The following GALNT13 variants were observed in gnomAD, a reference collection of about 807,000 sequenced individuals.
GALNT13 encodes the protein UDP-GalNAc:polypeptide N-acetylgalactosaminyltransferase 13.
GALNT13 carries 28 observed loss-of-function variants against 64.2 expected under a neutral mutation model. That is an observed-to-expected ratio of 0.44 (90% CI 0.32 to 0.60). The LOEUF (loss-of-function observed/expected upper bound fraction) is 0.60. GALNT13 is among the 20% of genes least tolerant of loss of function. The pLI is 0.05. For synonymous variants in GALNT13, 214 were observed against 224.6 expected (o/e 0.95, Z 0.42); for missense variants, 577 against 669.8 (o/e 0.86, Z 1.53).
intron 5 of GALNT13, 58 bp downstream of exon 5, chr2:154,242,254 T>G (rs1467256588): frequency 6.7e-6 from 10 of 1,498,852 alleles, no homozygotes; most frequent in Non-Finnish European, 9.1e-6. Context: ...GTTTTGTTTT[T>G]TTGTATTAGA....
At chr2:153,333,945 C>T in the GALNT13 span, among the ~76,000 whole-genome samples, 36 of 152,122 alleles carry the variant, frequency 2.4e-4, no homozygotes, top group African/African-American at 8.4e-4. Flanking sequence ...ACAGCTTTTC[C>T]TTGAGTCTTT....
the GALNT13 span, among the ~76,000 whole-genome samples, chr2:153,393,729 C>T: frequency 6.6e-6 from 1 of 151,874 alleles, no homozygotes; most frequent in African/African-American, 2.4e-5. Context: ...GTGGGTGGGC[C>T]TTATCTAATC....
At chr2:153,139,460 G>A in the GALNT13 span, among the ~76,000 whole-genome samples, 1 of 151,960 alleles carries the variant, frequency 6.6e-6, no homozygotes, top group Non-Finnish European at 1.5e-5. Context: ...AGTGCACAGA[G>A]CTCTGGAAAG....
intron 2 of GALNT13, among the ~76,000 whole-genome samples, chr2:153,910,251 G>A (rs533482972): frequency 9.2e-5 from 14 of 151,792 alleles, no homozygotes; most frequent in Non-Finnish European, 2.1e-4. Context: ...AGTCTCTGAT[G>A]GTTATATATG....
At chr2:153,701,062 G>A in the GALNT13 span, among the ~76,000 whole-genome samples, 1 of 152,048 alleles carries the variant, frequency 6.6e-6, no homozygotes. Flanking sequence ...AATTAACAAA[G>A]CTAAAGGCAT....
intron 3 of GALNT13, among the ~76,000 whole-genome samples, chr2:154,103,283 A>G (rs1035209143): frequency 2.0e-5 from 3 of 152,072 alleles, no homozygotes; most frequent in Admixed American, 6.6e-5. Flanking sequence ...TTTCTAATCT[A>G]TTGTGAAAGC....
the GALNT13 span, among the ~76,000 whole-genome samples, chr2:153,177,753 A>G: frequency 1.3e-5 from 2 of 152,154 alleles, no homozygotes; most frequent in African/African-American, 4.8e-5. Context: ...CAGTGATTTT[A>G]AAGTGTGTAC....
At chr2:153,462,797 G>A in the GALNT13 span, among the ~76,000 whole-genome samples, 1 of 152,104 alleles carries the variant, frequency 6.6e-6, no homozygotes, top group Non-Finnish European at 1.5e-5. Flanking sequence ...CTATAAATAT[G>A]AAAGCGATGG....
the GALNT13 span, among the ~76,000 whole-genome samples, chr2:153,630,805 A>ATG: frequency 1.3e-4 from 2 of 15,006 alleles, no homozygotes; most frequent in Non-Finnish European, 2.4e-4. Context: ...ATATATATAT[A>ATG]TATTTTTTTT....
intron 1 of GALNT13, among the ~76,000 whole-genome samples, chr2:153,875,647 C>G (rs930961049): frequency 2.6e-5 from 4 of 152,136 alleles, no homozygotes; most frequent in Non-Finnish European, 4.4e-5. Context: ...GTAACAGTAA[C>G]AAATGGGTAT....
At chr2:153,258,807 T>C in the GALNT13 span, among the ~76,000 whole-genome samples, 1 of 152,348 alleles carries the variant, frequency 6.6e-6, no homozygotes, top group Admixed American at 6.5e-5. Context: ...TTTTATTCCT[T>C]TCTTGTCAGA....
At chr2:153,908,464 C>T (rs1003488078) in intron 2 of GALNT13, among the ~76,000 whole-genome samples, 2 of 152,096 alleles carry the variant, frequency 1.3e-5, no homozygotes, top group African/African-American at 4.8e-5. Context: ...AAACCTTTAA[C>T]AGGTTCTTCA....
At chr2:153,362,289 A>T in the GALNT13 span, among the ~76,000 whole-genome samples, 1 of 152,106 alleles carries the variant, frequency 6.6e-6, no homozygotes, top group African/African-American at 2.4e-5. Context: ...AAGACCAATG[A>T]CACTATGACA....
intron 9 of GALNT13, among the ~76,000 whole-genome samples, chr2:154,331,465 C>CACA (rs1251989226): frequency 6.8e-6 from 1 of 147,132 alleles, no homozygotes; most frequent in Non-Finnish European, 1.5e-5. Flanking sequence ...ACCATGCCCA[C>CACA]ACAATTTTTT....
At chr2:154,216,802 CTTTT>C (rs397872685) in intron 4 of GALNT13, among the ~76,000 whole-genome samples, 600 of 71,278 alleles carry the variant, frequency 8.4e-3, no homozygotes, top group African/African-American at 0.03. Flanking sequence ...TTCTCTCTCT[CTTTT>C]TTTTTTTTTT....
the GALNT13 span, among the ~76,000 whole-genome samples, chr2:153,142,835 G>A: frequency 1.3e-5 from 2 of 152,042 alleles, no homozygotes; most frequent in South Asian, 2.1e-4. Flanking sequence ...AGCAGAAAAC[G>A]GTAGGTGGGA....
chr2:153,900,229 A>G (rs2105290579), intron 1 of GALNT13, among the ~76,000 whole-genome samples: 1 of 152,182 alleles, frequency 6.6e-6, no homozygotes, highest in African/African-American at 2.4e-5. Flanking sequence ...GTAGTGTAAA[A>G]CCCATTTAAT....
chr2:154,386,903 ACTTTTG>A (rs1698540133), intron 9 of GALNT13, among the ~76,000 whole-genome samples: 7 of 152,118 alleles, frequency 4.6e-5, no homozygotes, highest in Non-Finnish European at 1.0e-4. Context: ...ACCTGCTGTA[ACTTTTG>A]ACTGTGGATA....
chr2:153,465,183 T>C, the GALNT13 span, among the ~76,000 whole-genome samples: 1 of 152,142 alleles, frequency 6.6e-6, no homozygotes, highest in Non-Finnish European at 1.5e-5. Flanking sequence ...GCCTGAAACA[T>C]TACTCTTGTT....
Sources: gnomAD v4.1 joint callset for allele counts (sites outside exome capture counted in the v4.1 genomes callset) on GRCh38, gnomAD v4.1.1 for gene constraint, MANE v1.5 for transcripts, NCBI Gene and HGNC (gene_info 2026-07-23, HGNC 2026-07-21) for gene names.